The following TXLNB variants were observed in gnomAD, a reference collection of about 807,000 sequenced individuals.
TXLNB encodes the protein taxilin beta, also known as beta-taxilin.
In TXLNB, 37 loss-of-function variants were observed where a neutral mutation model predicts 57.4. That is an observed-to-expected ratio of 0.64 (90% CI 0.50 to 0.85). TXLNB has a LOEUF of 0.85. Among genes scored for constraint, TXLNB ranks in the 40% least tolerant of loss-of-function variants. The probability of loss-of-function intolerance (pLI) is 0.00; values close to 1 mark genes in which losing one functional copy is unlikely to be tolerated. For synonymous variants in TXLNB, 302 were observed against 309.6 expected (o/e 0.98, Z 0.26); for missense variants, 848 against 825.6 (o/e 1.03, Z -0.33).
At chr6:139,193,841 T>TA in the TXLNB span, among the ~76,000 whole-genome samples, 1,526 of 25,496 alleles carry the variant, frequency 0.06, 12 homozygotes, top group South Asian at 0.15. Context: ...TATATATATA[T>TA]TTTTTTTTTT....
chr6:139,316,961 G>A, the TXLNB span, among the ~76,000 whole-genome samples: 3 of 152,152 alleles, frequency 2.0e-5, no homozygotes, highest in African/African-American at 7.2e-5. Flanking sequence ...TGGAGAAAAG[G>A]GAATTGCAGA....
At chr6:139,184,625 C>T in the TXLNB span, among the ~76,000 whole-genome samples, 1 of 152,100 alleles carries the variant, frequency 6.6e-6, no homozygotes, top group Non-Finnish European at 1.5e-5. Flanking sequence ...TCATTTTACT[C>T]ACTTGGGGAT....
intron 8 of TXLNB, among the ~76,000 whole-genome samples, chr6:139,246,733 G>T (rs1406939235): frequency 6.6e-6 from 1 of 151,814 alleles, no homozygotes; most frequent in African/African-American, 2.4e-5. Context: ...TGACCAACAC[G>T]GTGAAACCCC....
the TXLNB span, among the ~76,000 whole-genome samples, chr6:139,167,708 G>C: frequency 6.6e-6 from 1 of 152,182 alleles, no homozygotes; most frequent in African/African-American, 2.4e-5. Flanking sequence ...GTGAGGAAAA[G>C]CAGTGGTCAG....
At chr6:139,198,258 A>G in the TXLNB span, among the ~76,000 whole-genome samples, 1 of 151,968 alleles carries the variant, frequency 6.6e-6, no homozygotes, top group African/African-American at 2.4e-5. Context: ...CCCAGACAAA[A>G]TACTAAATCT....
chr6:139,243,375 T>G, intron 9 of TXLNB, 61 bp from the exon 10 acceptor site: 11 of 1,489,842 alleles, frequency 7.4e-6, no homozygotes, highest in Non-Finnish European at 9.9e-6. Flanking sequence ...AAGCAAAATG[T>G]CCAGGATGCT....
chr6:139,194,992 A>C, the TXLNB span, among the ~76,000 whole-genome samples: 1 of 152,248 alleles, frequency 6.6e-6, no homozygotes, highest in South Asian at 2.1e-4. Flanking sequence ...ATTATCTTAC[A>C]GTTCTGTAGT....
the TXLNB span, among the ~76,000 whole-genome samples, chr6:139,218,714 T>C: frequency 6.6e-6 from 1 of 152,082 alleles, no homozygotes; most frequent in South Asian, 2.1e-4. Flanking sequence ...ATTGCACCAT[T>C]GCACTTTAGC....
At chr6:139,312,396 C>T in the TXLNB span, among the ~76,000 whole-genome samples, 22 of 152,180 alleles carry the variant, frequency 1.4e-4, no homozygotes, top group African/African-American at 5.3e-4. Flanking sequence ...TAACATGACC[C>T]TTACTCTGTT....
chr6:139,221,881 C>A, the TXLNB span, among the ~76,000 whole-genome samples: 1 of 151,778 alleles, frequency 6.6e-6, no homozygotes, highest in African/African-American at 2.4e-5. Context: ...CAGGAAGTGG[C>A]AAAATAATAT....
chr6:139,236,629 C>G (rs751157730), downstream of TXLNB, among the ~76,000 whole-genome samples: 1 of 152,234 alleles, frequency 6.6e-6, no homozygotes, highest in East Asian at 1.9e-4. Context: ...GTGAGTCGAG[C>G]CTCTTTCCTT....
intron 3 of TXLNB, among the ~76,000 whole-genome samples, chr6:139,272,854 T>C (rs1776800312): frequency 6.6e-6 from 1 of 152,056 alleles, no homozygotes; most frequent in Admixed American, 6.5e-5. Flanking sequence ...GCCAACATGG[T>C]GAAACCTCAT....
the TXLNB span, among the ~76,000 whole-genome samples, chr6:139,198,831 G>A: frequency 1.3e-5 from 2 of 152,136 alleles, no homozygotes; most frequent in Non-Finnish European, 2.9e-5. Flanking sequence ...GGTGGTAATG[G>A]CCTCCCACTG....
chr6:139,200,334 T>C, the TXLNB span, among the ~76,000 whole-genome samples: 3 of 152,236 alleles, frequency 2.0e-5, no homozygotes, highest in East Asian at 5.8e-4. Flanking sequence ...ATCTAGGCTA[T>C]ATATTTTAAG....
chr6:139,216,481 G>T, the TXLNB span, among the ~76,000 whole-genome samples: 2 of 113,222 alleles, frequency 1.8e-5, no homozygotes, highest in Non-Finnish European at 3.5e-5. Context: ...GTTGTGGGGT[G>T]GGGGGAGGGG....
the TXLNB span, among the ~76,000 whole-genome samples, chr6:139,198,796 A>C: frequency 1.3e-5 from 2 of 152,120 alleles, no homozygotes; most frequent in African/African-American, 2.4e-5. Flanking sequence ...GATGGGCTCC[A>C]TTCACACCAT....
chr6:139,299,837 G>A, the TXLNB span, among the ~76,000 whole-genome samples: 1 of 151,966 alleles, frequency 6.6e-6, no homozygotes, highest in Non-Finnish European at 1.5e-5. Flanking sequence ...AAAAAAAATG[G>A]CTCTTTTAAA....
the TXLNB span, chr6:139,177,953 ATCTT>A: frequency 5.9e-5 from 9 of 152,172 alleles, no homozygotes; most frequent in African/African-American, 2.2e-4. This position sits in a 1 kb window ranked among gnomAD's most constrained non-coding sequence, Gnocchi z 4.9. Flanking sequence ...TCACAGGTAA[ATCTT>A]TCAGCCACAG....
At chr6:139,280,642 C>T (rs1241811631) in intron 2 of TXLNB, among the ~76,000 whole-genome samples, 3 of 151,862 alleles carry the variant, frequency 2.0e-5, no homozygotes, top group African/African-American at 7.3e-5. Context: ...GACTCCATCT[C>T]TCAAAAACAA....
Sources: gnomAD v4.1 joint callset for allele counts (sites outside exome capture counted in the v4.1 genomes callset) on GRCh38, gnomAD v4.1.1 for gene constraint, Gnocchi (gnomAD v3.1) non-coding constraint, MANE v1.5 for transcripts, NCBI Gene and HGNC (gene_info 2026-07-23, HGNC 2026-07-21) for gene names.